The following SPECC1L variants were observed in gnomAD, a reference collection of about 807,000 sequenced individuals.
SPECC1L encodes the protein cytospin-A.
In SPECC1L, 40 loss-of-function variants were observed where a neutral mutation model predicts 116.8. The observed-to-expected ratio is 0.34, with a 90% CI of 0.27 to 0.45. The LOEUF is 0.45. SPECC1L is among the 20% of genes least tolerant of loss of function. The probability of loss-of-function intolerance (pLI) is 1.00; values close to 1 mark genes in which losing one functional copy is unlikely to be tolerated. For missense variants in SPECC1L, 1,110 were observed against 1,373.6 expected (o/e 0.81, Z 3.03); for synonymous variants, 504 against 500.6 (o/e 1.01, Z -0.09).
chr22:24,407,603 G>A (rs906817642), intron 14 of SPECC1L, among the ~76,000 whole-genome samples: 1 of 152,078 alleles, frequency 6.6e-6, no homozygotes, highest in Non-Finnish European at 1.5e-5. Flanking sequence ...TGAGGGCCAG[G>A]CGTTGCCATT....
chr22:24,367,782 A>G (rs1185747274), intron 13 of SPECC1L, among the ~76,000 whole-genome samples: 6 of 152,182 alleles, frequency 3.9e-5, no homozygotes, highest in Non-Finnish European at 7.3e-5. Flanking sequence ...CAGAATAAAT[A>G]TACTGAGGAA....
At chr22:24,411,812 G>T in intron 15 of SPECC1L, 108 bp downstream of exon 15, 2 of 919,376 alleles carry the variant, frequency 2.2e-6, no homozygotes, top group East Asian at 2.4e-5. Context: ...GCTGGCTTGC[G>T]ATTGCCTCGT....
intron 3 of SPECC1L, among the ~76,000 whole-genome samples, chr22:24,312,664 T>G (rs181857379): frequency 6.6e-6 from 1 of 152,236 alleles, no homozygotes; most frequent in Non-Finnish European, 1.5e-5. Context: ...TAGTGTTTTT[T>G]AAGGCTCATG....
At chr22:24,368,847 A>G (rs1049422592) in intron 13 of SPECC1L, among the ~76,000 whole-genome samples, 3 of 152,186 alleles carry the variant, frequency 2.0e-5, no homozygotes, top group Non-Finnish European at 2.9e-5. Flanking sequence ...AGGTGTCACC[A>G]TGTTGGCCAG....
intron 14 of SPECC1L, among the ~76,000 whole-genome samples, chr22:24,384,343 G>A (rs2042121059): frequency 6.6e-6 from 1 of 152,056 alleles, no homozygotes; most frequent in Non-Finnish European, 1.5e-5. Context: ...CATTCTGAAA[G>A]AAAAAGGAAG....
chr22:24,353,894 T>C (rs1392013881), intron 11 of SPECC1L, among the ~76,000 whole-genome samples: 1 of 152,240 alleles, frequency 6.6e-6, no homozygotes, highest in Non-Finnish European at 1.5e-5. Flanking sequence ...CTTGGATTGC[T>C]ATAAAGAAAT....
chr22:24,411,030 C>T (rs1257515599), intron 14 of SPECC1L, among the ~76,000 whole-genome samples: 1 of 150,078 alleles, frequency 6.7e-6, no homozygotes, highest in Admixed American at 6.6e-5. Context: ...ACTGAAAATA[C>T]AAAAAAAAAT....
At chr22:24,412,568 C>T in intron 15 of SPECC1L, 80 bp from the exon 16 acceptor site, 1 of 1,321,714 alleles carries the variant, frequency 7.6e-7, no homozygotes, top group East Asian at 2.3e-5. Flanking sequence ...TCAGATGCAT[C>T]TGTCCCAGGC....
chr22:24,310,590 C>T (rs1231291018), intron 3 of SPECC1L, among the ~76,000 whole-genome samples: 2 of 151,904 alleles, frequency 1.3e-5, no homozygotes, highest in South Asian at 2.1e-4. Context: ...TTAGGTTGAT[C>T]ATCATTTTCT....
intron 14 of SPECC1L, among the ~76,000 whole-genome samples, chr22:24,383,933 G>A (rs1005763262): frequency 2.7e-5 from 4 of 150,432 alleles, no homozygotes; most frequent in Non-Finnish European, 4.4e-5. Context: ...GATTACAGGC[G>A]TGAGCCACCG....
chr22:24,413,940 C>A (rs2042752309), intron 16 of SPECC1L, among the ~76,000 whole-genome samples: 1 of 151,970 alleles, frequency 6.6e-6, no homozygotes, highest in Admixed American at 6.5e-5. Context: ...TTTTTGAGGC[C>A]TTCTGTCTCG....
rs573399208 is a variant in SPECC1L, at chr22:24,302,107, T to C, written c.-37-88T>C. ...GTGACATCTAGCTTTCAAACAGTTT[T>C]ATCACATGGTAAAATTCTTCGAAAA... On this transcript the variant is annotated intron_variant, in intron 2 of 16. Transcript: ENST00000314328. 3.9e-4 allele frequency: 417 copies of C among 1,075,116 alleles called. 2 individuals carry two copies. In the South Asian group the frequency reaches 5.2e-3, roughly 13 times the overall value. The allele number at this position is 1,075,116 out of a possible 1,614,324, so 66.6% of individuals were successfully genotyped here. A position where few individuals can be genotyped will look rare whatever the true frequency, so the allele number is the denominator to read the frequency against.
At chr22:24,297,498 G>A (rs2049290500) in intron 2 of SPECC1L, among the ~76,000 whole-genome samples, 3 of 152,100 alleles carry the variant, frequency 2.0e-5, no homozygotes, top group Admixed American at 6.6e-5. Context: ...CAGAGAGCGA[G>A]ATGTTTATAT....
At position 24,321,556 on chromosome 22, in the gene SPECC1L, A is replaced by G. The variant is rs1475837213; in HGVS notation, c.576A>G (p.Ala192=). Residue 192 remains alanine (A), a synonymous_variant, in exon 5 of 17, where the codon GCA becomes GCG. Transcript: ENST00000314328. ...EAKVKDLLTL[A]KTKDVEILHL... is the part of the protein sequence containing the mutation. The stretch of plus-strand genomic sequence containing the variant: ...AAGTGAAGGATCTTCTCACGCTGGC[A>G]AAAACCAAAGACGTAGAAATTTTAC... The G allele has an allele frequency of 1.2e-6, 2 of 1,614,126 alleles. No homozygotes were observed. Among genetic ancestry groups the G allele is most frequent in the Non-Finnish European group, 1.7e-6 (2 of 1,179,978 alleles).
intron 8 of SPECC1L, among the ~76,000 whole-genome samples, chr22:24,334,014 GTTTT>G (rs11398083): frequency 7.5e-6 from 1 of 132,552 alleles, no homozygotes; most frequent in Non-Finnish European, 1.6e-5. Flanking sequence ...GTTTTTTGTT[GTTTT>G]TTTTTTTTTT....
chr22:24,318,490 C>G (rs549487917), intron 4 of SPECC1L, among the ~76,000 whole-genome samples: 4 of 152,070 alleles, frequency 2.6e-5, no homozygotes, highest in Admixed American at 2.0e-4. Flanking sequence ...AGCTTCGGCT[C>G]GGCATCAGAG....
chr22:24,344,592 C>CAAAAAA (rs35725042), intron 10 of SPECC1L, among the ~76,000 whole-genome samples: 2 of 117,934 alleles, frequency 1.7e-5, no homozygotes, highest in Non-Finnish European at 3.6e-5. Context: ...TGCATAAGAC[C>CAAAAAA]AAAAAAAAAA....
chr22:24,397,748 A>G (rs1347387), intron 14 of SPECC1L, among the ~76,000 whole-genome samples: 25,694 of 152,092 alleles, frequency 0.17, 2,686 homozygotes, highest in Admixed American at 0.23. Flanking sequence ...TGTCTGCTTC[A>G]TATTTTTTTT....
chr22:24,401,180 G>GT (rs1746642386), intron 14 of SPECC1L, among the ~76,000 whole-genome samples: 1 of 152,294 alleles, frequency 6.6e-6, no homozygotes, highest in South Asian at 2.1e-4. Context: ...CTCACATTGT[G>GT]TTTGGAAGTA....
Sources: gnomAD v4.1 joint callset for allele counts (sites outside exome capture counted in the v4.1 genomes callset) on GRCh38, gnomAD v4.1.1 for gene constraint, MANE v1.5 for transcripts, NCBI Gene and HGNC (gene_info 2026-07-23, HGNC 2026-07-21) for gene names.